The following RASAL2 variants were observed in gnomAD, a reference collection of about 807,000 sequenced individuals.
RASAL2 encodes the protein ras GTPase-activating protein nGAP.
Under a neutral mutation model 128.9 loss-of-function variants are expected in RASAL2, and 58 were observed. That is an observed-to-expected ratio of 0.45 (90% CI 0.36 to 0.56). The LOEUF is 0.56. Ranked by LOEUF, RASAL2 falls within the 20% of genes least tolerant of loss-of-function variation. RASAL2 has a pLI of 0.00. For missense variants in RASAL2, 1,360 were observed against 1,601.6 expected (o/e 0.85, Z 2.57); for synonymous variants, 561 against 580.8 (o/e 0.97, Z 0.49).
intron 1 of RASAL2, among the ~76,000 whole-genome samples, chr1:178,196,226 A>G (rs1447883772): frequency 2.0e-5 from 3 of 152,272 alleles, no homozygotes; most frequent in Non-Finnish European, 2.9e-5. Flanking sequence ...TATATACCTA[A>G]AAATATATTG....
chr1:178,142,698 C>T (rs573866876), intron 1 of RASAL2, among the ~76,000 whole-genome samples: 38 of 152,260 alleles, frequency 2.5e-4, no homozygotes, highest in African/African-American at 9.1e-4. Flanking sequence ...TACTGTATGC[C>T]TAATGCCTGG....
chr1:178,309,963 T>C (rs776512235), intron 3 of RASAL2, among the ~76,000 whole-genome samples: 1 of 152,190 alleles, frequency 6.6e-6, no homozygotes, highest in Non-Finnish European at 1.5e-5. Flanking sequence ...AGCTGGTAGA[T>C]GTTTGAGGTG....
intron 1 of RASAL2, among the ~76,000 whole-genome samples, chr1:178,162,157 G>A (rs1330305636): frequency 1.3e-5 from 2 of 148,436 alleles, no homozygotes; most frequent in South Asian, 4.2e-4. Flanking sequence ...AGTAGAGACG[G>A]GGTTTCACCG....
intron 2 of RASAL2, among the ~76,000 whole-genome samples, chr1:178,286,940 G>A (rs1287927483): frequency 6.6e-6 from 1 of 151,908 alleles, no homozygotes; most frequent in Non-Finnish European, 1.5e-5. Flanking sequence ...ATTACTCTTT[G>A]ACTAATACCT....
chr1:178,404,296 G>A (rs902377047), intron 4 of RASAL2, among the ~76,000 whole-genome samples: 10 of 151,774 alleles, frequency 6.6e-5, no homozygotes, highest in African/African-American at 2.2e-4. Flanking sequence ...AAAGAAAGAC[G>A]TGAAGAGGTA....
At chr1:178,255,256 A>G (rs1222316149) in intron 1 of RASAL2, among the ~76,000 whole-genome samples, 2 of 151,842 alleles carry the variant, frequency 1.3e-5, no homozygotes, top group South Asian at 2.1e-4. Flanking sequence ...AATCCAAATG[A>G]AAAAAAACAA....
Position 178,458,523 on chromosome 1 carries a change from C to T in RASAL2, c.3231C>T (p.Ile1077=). Residue 1077 remains isoleucine (I), a synonymous_variant, in exon 14 of 18, where the codon ATC becomes ATT. Transcript: ENST00000367649. The part of the protein sequence containing the change: ...RESPVPKVRA[I]QRQQTQQVQS... ...GCCCTGTTCCCAAAGTTAGAGCAAT[C>T]CAGAGACAACAGACACAGCAGGTAG... 2.5e-6 allele frequency: 4 copies of T among 1,611,272 alleles called. No homozygotes were observed. The South Asian group carries it at 4.4e-5, about 18-fold the overall frequency.
chr1:178,300,825 T>C (rs1285564672), intron 3 of RASAL2, among the ~76,000 whole-genome samples: 5 of 152,202 alleles, frequency 3.3e-5, no homozygotes, highest in African/African-American at 1.2e-4. Context: ...TAAAAGAACA[T>C]AATTAAGATT....
intron 3 of RASAL2, among the ~76,000 whole-genome samples, chr1:178,375,280 G>T (rs1046347043): frequency 2.0e-5 from 3 of 152,110 alleles, no homozygotes; most frequent in Non-Finnish European, 1.5e-5. Flanking sequence ...ATGTAAAGAA[G>T]TAATGAGAGA....
intron 1 of RASAL2, among the ~76,000 whole-genome samples, chr1:178,175,800 TG>T (rs1281393041): frequency 6.6e-6 from 1 of 152,184 alleles, no homozygotes; most frequent in Admixed American, 6.5e-5. Flanking sequence ...ATATGGTATT[TG>T]GTTTTCCATC....
chr1:178,174,488 G>C (rs548747095), intron 1 of RASAL2, among the ~76,000 whole-genome samples: 58 of 152,174 alleles, frequency 3.8e-4, no homozygotes, highest in African/African-American at 1.4e-3. Context: ...TTGAGTGATG[G>C]CCTAATATAC....
intron 1 of RASAL2, among the ~76,000 whole-genome samples, chr1:178,263,017 A>T (rs974422166): frequency 6.6e-6 from 1 of 152,078 alleles, no homozygotes; most frequent in Non-Finnish European, 1.5e-5. Flanking sequence ...CAGCAATATA[A>T]CTAGAGTCTG....
At chr1:178,248,246 G>T (rs555007602) in intron 1 of RASAL2, among the ~76,000 whole-genome samples, 1 of 152,238 alleles carries the variant, frequency 6.6e-6, no homozygotes, top group Admixed American at 6.5e-5. Context: ...TATGAATCTG[G>T]TTGCTCCTGT....
intron 17 of RASAL2, chr1:178,470,779 G>A: frequency 7.6e-7 from 1 of 1,309,978 alleles, no homozygotes; most frequent in Non-Finnish European, 1.0e-6. Flanking sequence ...CTGGCCCAGT[G>A]CACTGGCCTC....
intron 1 of RASAL2, among the ~76,000 whole-genome samples, chr1:178,094,944 C>G (rs759615953): frequency 9.9e-5 from 15 of 152,126 alleles, no homozygotes; most frequent in Non-Finnish European, 2.1e-4. Flanking sequence ...TTGGGCTATC[C>G]AAGACGTAAT....
intron 1 of RASAL2, among the ~76,000 whole-genome samples, chr1:178,235,534 T>A (rs1277938147): frequency 6.6e-6 from 1 of 152,162 alleles, no homozygotes; most frequent in Non-Finnish European, 1.5e-5. Flanking sequence ...GTGCATAGTG[T>A]CCTACCAGTA....
intron 1 of RASAL2, among the ~76,000 whole-genome samples, chr1:178,239,766 T>C (rs1558133835): frequency 1.3e-5 from 2 of 152,044 alleles, no homozygotes; most frequent in Non-Finnish European, 2.9e-5. Flanking sequence ...ATGATTCTAA[T>C]ATGTGGACAC....
At chr1:178,220,807 T>C (rs1439477746) in intron 1 of RASAL2, among the ~76,000 whole-genome samples, 1 of 152,200 alleles carries the variant, frequency 6.6e-6, no homozygotes, top group Non-Finnish European at 1.5e-5. Flanking sequence ...CAAGGTTTAT[T>C]TAGCCATTTG....
At chr1:178,131,715 T>C (rs1161045960) in intron 1 of RASAL2, among the ~76,000 whole-genome samples, 1 of 152,124 alleles carries the variant, frequency 6.6e-6, no homozygotes, top group Non-Finnish European at 1.5e-5. Context: ...AGGTGAGTTA[T>C]CCCCAAGGAA....
Sources: allele counts gnomAD v4.1 joint callset (sites outside exome capture counted in the v4.1 genomes callset), GRCh38; gene constraint gnomAD v4.1.1; transcripts MANE v1.5; gene names NCBI Gene and HGNC (gene_info 2026-07-23, HGNC 2026-07-21).